ARHGEF6: variants seen among roughly 807,000 people sequenced by gnomAD.
The protein encoded by ARHGEF6 is Rac/Cdc42 guanine nucleotide exchange factor 6.
In ARHGEF6, 9 loss-of-function variants were observed where a neutral mutation model predicts 70.3. That is an observed-to-expected ratio of 0.13 (90% CI 0.08 to 0.22). The LOEUF is 0.22. Among genes scored for constraint, ARHGEF6 ranks in the 10% least tolerant of loss-of-function variants. The pLI, the probability that ARHGEF6 is intolerant of heterozygous loss-of-function variation, is 1.00. For missense variants in ARHGEF6, 470 were observed against 563.0 expected (o/e 0.83, Z 1.67); for synonymous variants, 201 against 207.8 (o/e 0.97, Z 0.28).
intron 11 of ARHGEF6, among the ~76,000 whole-genome samples, chrX:136,687,329 A>C (rs773444007): frequency 8.9e-6 from 1 of 112,363 alleles, no homozygotes; most frequent in South Asian, 3.7e-4. Context: ...AAGTTTAATC[A>C]ATTGCCCAAA....
At chrX:136,727,359 T>TTCTTTCTCTCTCTCTCTCTC (rs2076869883) in intron 6 of ARHGEF6, among the ~76,000 whole-genome samples, 1 of 63,646 alleles carries the variant, frequency 1.6e-5, no homozygotes, top group Non-Finnish European at 2.8e-5. Flanking sequence ...CTTTCTTTCT[T>TTCTTTCTCTCTCTCTCTCTC]TCTTTCTTTC....
At chrX:136,772,592 C>T (rs1049829641) in intron 2 of ARHGEF6, among the ~76,000 whole-genome samples, 22 of 112,552 alleles carry the variant, frequency 2.0e-4, no homozygotes, top group African/African-American at 6.4e-4. Flanking sequence ...TTTTGTGGGC[C>T]AGGCACAGTG....
At chrX:136,747,676 G>T in intron 2 of ARHGEF6, 84 bp from the exon 3 acceptor site, 1 of 227,753 alleles carries the variant, frequency 4.4e-6, no homozygotes, top group Non-Finnish European at 7.4e-6. Flanking sequence ...ACTTCCTCCA[G>T]CTCTCCGGAA....
intron 1 of ARHGEF6, among the ~76,000 whole-genome samples, chrX:136,780,109 G>A (rs995970555): frequency 3.6e-5 from 4 of 111,948 alleles, no homozygotes; most frequent in Admixed American, 9.4e-5. Context: ...TCTCGTGATC[G>A]TGGATTTCCA....
chrX:136,774,270 T>C (rs1208092295), intron 2 of ARHGEF6, among the ~76,000 whole-genome samples: 1 of 110,817 alleles, frequency 9.0e-6, no homozygotes, highest in Non-Finnish European at 1.9e-5. Flanking sequence ...TTCTTAGAAC[T>C]GCAAAGAAGC....
At chrX:136,740,544 G>A (rs1215885013) in intron 5 of ARHGEF6, among the ~76,000 whole-genome samples, 1 of 111,627 alleles carries the variant, frequency 9.0e-6, no homozygotes, top group East Asian at 2.8e-4. Context: ...TTACCTAAGT[G>A]CTCAAGTCAG....
intron 7 of ARHGEF6, among the ~76,000 whole-genome samples, chrX:136,712,961 C>G (rs1198795198): frequency 6.3e-5 from 7 of 110,472 alleles, no homozygotes; most frequent in East Asian, 2.8e-4. Flanking sequence ...AATAAAAGCA[C>G]CAGGGACTTC....
chrX:136,694,696 G>A (rs939936614), intron 9 of ARHGEF6, among the ~76,000 whole-genome samples: 2 of 111,754 alleles, frequency 1.8e-5, no homozygotes, highest in Admixed American at 9.5e-5. Flanking sequence ...GGAGAGAAGA[G>A]GGTATTTTTG....
intron 9 of ARHGEF6, among the ~76,000 whole-genome samples, chrX:136,701,355 G>A (rs1441862032): frequency 9.0e-6 from 1 of 111,599 alleles, no homozygotes; most frequent in Non-Finnish European, 1.9e-5. Context: ...CAAAAGCAAC[G>A]AGAAAATCTT....
intron 6 of ARHGEF6, among the ~76,000 whole-genome samples, chrX:136,723,293 A>C (rs768053506): frequency 8.0e-5 from 9 of 112,258 alleles, no homozygotes; most frequent in Admixed American, 2.8e-4. Flanking sequence ...AAAATGGTGA[A>C]TTTTATGCTA....
Position 136,671,128 on chromosome X carries a change from C to T in ARHGEF6, c.2135+892G>A, listed in dbSNP as rs750882287. ...TAGCCTTTATACTTATTTCACTTAACCTCACAACAACTCTGAAAGCATTAC... is the reference window on the plus strand; with the variant it reads ...TAGCCTTTATACTTATTTCACTTAATCTCACAACAACTCTGAAAGCATTAC... On this transcript the variant is annotated intron_variant, in intron 20 of 21. Coordinates refer to ENST00000250617, the MANE Select transcript of ARHGEF6 (RefSeq NM_004840.3). Among the ~76,000 whole-genome samples the T allele has an allele frequency of 8.8e-4, 99 of 112,207 alleles. 1 individual carries two copies. The highest frequency in any genetic ancestry group is 3.0e-3 in the African/African-American group (94 of 30,846).
At chrX:136,711,678 T>C (rs1425059888) in intron 7 of ARHGEF6, among the ~76,000 whole-genome samples, 1 of 111,609 alleles carries the variant, frequency 9.0e-6, no homozygotes, top group African/African-American at 3.3e-5. Flanking sequence ...TTCTCCTGCC[T>C]CAGCCTCTTA....
intron 2 of ARHGEF6, among the ~76,000 whole-genome samples, chrX:136,764,181 A>T (rs987496605): frequency 9.0e-6 from 1 of 111,069 alleles, no homozygotes; most frequent in Admixed American, 9.6e-5. Flanking sequence ...AAAAAAAAAA[A>T]TCACAAGGCT....
chrX:136,694,129 T>C (rs2076486763), intron 9 of ARHGEF6, among the ~76,000 whole-genome samples: 2 of 108,366 alleles, frequency 1.8e-5, no homozygotes, highest in South Asian at 8.2e-4. Context: ...CTTGGCTCAC[T>C]GCAACCTCCA....
intron 2 of ARHGEF6, among the ~76,000 whole-genome samples, chrX:136,778,903 G>A (rs2077426584): frequency 8.9e-6 from 1 of 111,991 alleles, no homozygotes; most frequent in Non-Finnish European, 1.9e-5. Flanking sequence ...CTCCCTTTCA[G>A]TAACACTTCC....
chrX:136,712,163 C>G (rs1302136846), intron 7 of ARHGEF6, among the ~76,000 whole-genome samples: 1 of 111,542 alleles, frequency 9.0e-6, no homozygotes, highest in Non-Finnish European at 1.9e-5. Flanking sequence ...AGCTGGAATG[C>G]AGTGATGTGA....
rs373788009 is a variant in ARHGEF6 at position 136,732,115 on chromosome X, T to C, written c.719A>G (p.Asn240Ser). Residue 240 changes from asparagine to serine, a missense_variant, in exon 6 of 22, where the codon AAT (asparagine) becomes AGT (serine). Asn to Ser is a conservative substitution (Grantham distance 46). Transcript: ENST00000250617. ...KGFETAPLTK[N>S]YYTVVLQNIL... ...CTGAACACTTACCACAGTATAATAA[T>C]TCTTGGTAAGTGGAGCAGTTTCAAA... 2.5e-6 allele frequency: 3 copies of C among 1,205,169 alleles called. No homozygotes were observed. The highest frequency in any genetic ancestry group is 3.4e-6 in the Non-Finnish European group (3 of 891,430).
chrX:136,767,374 G>C (rs1342811749), intron 2 of ARHGEF6: 1 of 754,310 alleles, frequency 1.3e-6, no homozygotes, highest in East Asian at 1.5e-4. Context: ...CCCCAGCGGG[G>C]AGGGGCGGCT....
chrX:136,767,761 C>A (rs2077332703), intron 2 of ARHGEF6: 1 of 753,684 alleles, frequency 1.3e-6, no homozygotes, highest in Admixed American at 8.6e-5. Flanking sequence ...CCTGGAGGCA[C>A]TGGGCCAGCA....
Sources: allele counts gnomAD v4.1 joint callset (sites outside exome capture counted in the v4.1 genomes callset), GRCh38; gene constraint gnomAD v4.1.1; transcripts MANE v1.5; gene names NCBI Gene and HGNC (gene_info 2026-07-23, HGNC 2026-07-21).